The following AVPR1A variants were observed in gnomAD, a reference collection of about 807,000 sequenced individuals.
AVPR1A encodes the protein vasopressin V1a receptor.
Under a neutral mutation model 31.5 loss-of-function variants are expected in AVPR1A, and 31 were observed. That is an observed-to-expected ratio of 0.99 (90% CI 0.74 to 1.33). The LOEUF (loss-of-function observed/expected upper bound fraction) is 1.33, where lower values mean the gene tolerates loss of function less well. AVPR1A is among the 40% of genes most tolerant of loss of function. The probability of loss-of-function intolerance (pLI) is 0.00; values close to 1 mark genes in which losing one functional copy is unlikely to be tolerated. For synonymous variants in AVPR1A, 243 were observed against 233.2 expected, an observed-to-expected ratio of 1.04 and a Z score of -0.38; for missense variants, 570 against 575.2, an observed-to-expected ratio of 0.99 and a Z score of 0.09.
intron 1 of AVPR1A, among the ~76,000 whole-genome samples, chr12:63,149,077 G>A (rs1868404700): frequency 6.6e-6 from 1 of 152,172 alleles, no homozygotes; most frequent in Admixed American, 6.5e-5. Flanking sequence ...ACAATAGTAG[G>A]TGCAGAGAAC....
In AVPR1A at chr12:63,146,980, T is replaced by A. The variant is rs1444271013; in HGVS notation, c.*379A>T. 1 of 188,802 alleles carries A rather than the reference T, an allele frequency of 5.3e-6. No individual in the cohort carries two copies. The highest frequency in any genetic ancestry group is 1.1e-5 in the Non-Finnish European group (1 of 89,724). The allele number at this position is 188,802 out of a possible 1,614,324, so 11.7% of individuals were successfully genotyped here. A position where few individuals can be genotyped will look rare whatever the true frequency, so the allele number is the denominator to read the frequency against. ...TAAGACTGATGATGAGCTCTCTTTGTTCAGAAATAGTGCCGCATTTTATGT... is the reference window on the plus strand; with the variant it reads ...TAAGACTGATGATGAGCTCTCTTTGATCAGAAATAGTGCCGCATTTTATGT... On this transcript the variant is annotated 3_prime_UTR_variant, in exon 2 of 2. Transcript: ENST00000299178.
chr12:63,150,859 G>T lies in AVPR1A; in HGVS notation c.-23C>A, dbSNP rs754860655. 6.6e-7 allele frequency: 1 copy of T among 1,518,894 alleles called. No individual in the cohort carries two copies. Among genetic ancestry groups the T allele is most frequent in the African/African-American group, 1.4e-5 (1 of 72,214 alleles). 94.1% of individuals were successfully genotyped at this position (1,518,894 alleles called of 1,614,324 possible). On this transcript the variant is annotated 5_prime_UTR_variant, in exon 1 of 2. Transcript: ENST00000299178. This position sits in a 1 kb window ranked among gnomAD's most constrained non-coding sequence, Gnocchi z 4.9. ...CATGCTGTCCATGCAGCTCCTACTCGGCCCTCTTCGGAGCTCCAGCCCTCG... is the reference window on the plus strand; with the variant it reads ...CATGCTGTCCATGCAGCTCCTACTCTGCCCTCTTCGGAGCTCCAGCCCTCG...
In AVPR1A at chr12:63,150,152, C is replaced by G; in HGVS notation, c.685G>C (p.Val229Leu). Residue 229 changes from valine to leucine, a missense_variant, in exon 1 of 2, where the codon GTG becomes CTG. Coordinates refer to ENST00000299178, the MANE Select transcript of AVPR1A (RefSeq NM_000706.5). The surrounding 1 kb of genome is among the most constrained non-coding windows in gnomAD (Gnocchi z 4.9). ...CCGTAGCAGGTACCCAAGATGACCA[C>G]GGGCGCCACAAAGATGCCGCCCGTC... is the stretch of plus-strand genomic sequence containing the variant. ...WMTGGIFVAP[V>L]VILGTCYGFI... The G allele has an allele frequency of 6.2e-7, 1 of 1,614,004 alleles. No individual in the cohort carries two copies. The highest frequency in any genetic ancestry group is 8.5e-7 in the Non-Finnish European group (1 of 1,180,040).
Position 63,150,151 on chromosome 12 carries a change from A to G in AVPR1A, c.686T>C (p.Val229Ala), listed in dbSNP as rs1483615468. The change falls in exon 1 of 2, where the codon GTG becomes GCG. Residue 229 changes from valine (V) to alanine (A), a missense_variant. Coordinates refer to ENST00000299178, the MANE Select transcript of AVPR1A (RefSeq NM_000706.5). This position sits in a 1 kb window ranked among gnomAD's most constrained non-coding sequence, Gnocchi z 4.9. ...GCCGTAGCAGGTACCCAAGATGACC[A>G]CGGGCGCCACAAAGATGCCGCCCGT... is the stretch of plus-strand genomic sequence containing the variant. The part of the protein sequence containing the change: ...WMTGGIFVAP[V>A]VILGTCYGFI... The G allele has an allele frequency of 2.5e-6, 4 of 1,613,988 alleles. No individual in the cohort carries two copies. Among genetic ancestry groups the G allele is most frequent in the Admixed American group, 1.7e-5 (1 of 60,032 alleles).
Position 63,150,095 on chromosome 12 carries a change from G to A in AVPR1A, c.742C>T (p.Arg248Cys). 6.2e-7 allele frequency: 1 copy of A among 1,614,030 alleles called. No homozygotes were observed. ...CTCTGGCGCGACGCCGTCTTCCCGCGGACGTTGCACCAGATGTTGTAGCAG... is the reference window on the plus strand; with the variant it reads ...CTCTGGCGCGACGCCGTCTTCCCGCAGACGTTGCACCAGATGTTGTAGCAG... ...FICYNIWCNV[R>C]GKTASRQSKG... The change falls in exon 1 of 2, where the codon CGC becomes TGC. Residue 248 changes from arginine to cysteine, a missense_variant. Arg to Cys is a radical substitution (Grantham distance 180, BLOSUM62 -3). Transcript: ENST00000299178. This position sits in a 1 kb window ranked among gnomAD's most constrained non-coding sequence, Gnocchi z 4.9.
chr12:63,145,555 G>A lies in AVPR1A; in HGVS notation c.*1804C>T. On this transcript the variant is annotated 3_prime_UTR_variant, in exon 2 of 2. Transcript: ENST00000299178. Reference sequence around the variant, plus strand: ...CAGGAGAATCGCTTGAACCCAGGAAGCGGAGGTTGCAGTGAGCCGAGATCA... The same window carrying A: ...CAGGAGAATCGCTTGAACCCAGGAAACGGAGGTTGCAGTGAGCCGAGATCA... The A allele has an allele frequency of 3.5e-6, 1 of 289,568 alleles. No homozygotes were observed. Among genetic ancestry groups the A allele is most frequent in the Non-Finnish European group, 6.8e-6 (1 of 147,626 alleles). The allele number at this position is 289,568 out of a possible 1,614,324, so 17.9% of individuals were successfully genotyped here.
rs1476981258 is a variant in AVPR1A, at chr12:63,147,352, G to C, written c.*7C>G. On this transcript the variant is annotated 3_prime_UTR_variant, in exon 2 of 2. Coordinates refer to ENST00000299178, the MANE Select transcript of AVPR1A (RefSeq NM_000706.5). ...ATCACAAGAATCAAGTTGCATGAAT[G>C]CAAGGCTCAAGTTGAAACAGGAATG... 1 of 1,609,226 alleles carries C rather than the reference G, an allele frequency of 6.2e-7. No homozygotes were observed. The highest frequency in any genetic ancestry group is 1.7e-5 in the Admixed American group (1 of 59,860).
rs767352672 is a variant in AVPR1A at position 63,150,093 on chromosome 12, G to A, written c.744C>T (p.Arg248=). 4 of 1,614,016 alleles carry A rather than the reference G, an allele frequency of 2.5e-6. No homozygotes were observed. Among genetic ancestry groups the A allele is most frequent in the Admixed American group, 1.7e-5 (1 of 60,028 alleles). ...TGCTCTGGCGCGACGCCGTCTTCCC[G>A]CGGACGTTGCACCAGATGTTGTAGC... ...FICYNIWCNV[R]GKTASRQSKG... The change falls in exon 1 of 2, where the codon CGC becomes CGT. Residue 248 remains arginine (R), a synonymous_variant. Transcript: ENST00000299178. This position sits in a 1 kb window ranked among gnomAD's most constrained non-coding sequence, Gnocchi z 4.9.
At position 63,150,429 on chromosome 12, in the gene AVPR1A, A is replaced by C. The variant is rs1042615; in HGVS notation, c.408T>G (p.Phe136Leu). The C allele has an allele frequency of 1.2e-6, 2 of 1,612,886 alleles. No homozygotes were observed. The highest frequency in any genetic ancestry group is 1.7e-6 in the Non-Finnish European group (2 of 1,179,548). The change falls in exon 1 of 2, where the codon TTT becomes TTG. Residue 136 changes from phenylalanine to leucine, a missense_variant. Physicochemically the swap from Phe to Leu is conservative, Grantham distance 22. Transcript: ENST00000299178. The surrounding 1 kb of genome is among the most constrained non-coding windows in gnomAD (Gnocchi z 4.9). ...TGACTACCAGCATGTAGGCCGACGC[A>C]AACATGCCGAACACCTGCAGGTGCT... The part of the protein sequence containing the change: ...VVKHLQVFGM[F>L]ASAYMLVVMT...
At chr12:63,147,709 T>C (rs1868379750) in intron 1 of AVPR1A, 64 bp from the exon 2 acceptor site, 1 of 1,504,354 alleles carries the variant, frequency 6.6e-7, no homozygotes, top group South Asian at 1.2e-5. Flanking sequence ...CTCATTTTTC[T>C]ATTAACTAAT....
chr12:63,148,966 T>C (rs1191173832), intron 1 of AVPR1A, among the ~76,000 whole-genome samples: 2 of 152,210 alleles, frequency 1.3e-5, no homozygotes, highest in Non-Finnish European at 2.9e-5. Flanking sequence ...GTTTTTGTCT[T>C]TACTAGAAGA....
chr12:63,149,893 A>C lies in AVPR1A; in HGVS notation c.944T>G (p.Val315Gly), dbSNP rs1868430216. 3 of 1,613,552 alleles carry C rather than the reference A, an allele frequency of 1.9e-6. No homozygotes were observed. In the African/African-American group the frequency reaches 4.0e-5, roughly 22 times the overall value. Residue 315 changes from valine (V) to glycine (G), a missense_variant, in exon 1 of 2, where the codon GTC (valine) becomes GGC (glycine). Val to Gly is a moderately radical substitution (Grantham distance 109, BLOSUM62 -3). Coordinates refer to ENST00000299178, the MANE Select transcript of AVPR1A (RefSeq NM_000706.5). ...APFFIIQMWSVWDPMSVWTES... is the reference protein window; with the variant it reads ...APFFIIQMWSGWDPMSVWTES... ...GGTCCAGACGGACATGGGATCCCAG[A>C]CAGACCACATCTGGATGATGAAGAA...
In AVPR1A at chr12:63,147,076, G is replaced by C; in HGVS notation, c.*283C>G. 1 of 352,246 alleles carries C rather than the reference G, an allele frequency of 2.8e-6. No individual in the cohort carries two copies. Among genetic ancestry groups the C allele is most frequent in the East Asian group, 4.7e-5 (1 of 21,236 alleles). The allele number at this position is 352,246 out of a possible 1,614,324, so 21.8% of individuals were successfully genotyped here. ...AAAGAAACTAACAACAAAATATAAA[G>C]CTAGGGTGGTTATGATTTTTCCTTT... On this transcript the variant is annotated 3_prime_UTR_variant, in exon 2 of 2. Coordinates refer to ENST00000299178, the MANE Select transcript of AVPR1A (RefSeq NM_000706.5).
At chr12:63,149,475 T>G in intron 1 of AVPR1A, among the ~76,000 whole-genome samples, 1 of 152,152 alleles carries the variant, frequency 6.6e-6, no homozygotes, top group East Asian at 1.9e-4. Context: ...GAAATGGTGT[T>G]AATACAGTAG....
In AVPR1A at chr12:63,149,769, T is replaced by TC. The variant is rs1565878651; in HGVS notation, c.970+97_970+98insG. 39 of 1,243,506 alleles carry TC rather than the reference T, an allele frequency of 3.1e-5. No homozygotes were observed. In the African/African-American group the frequency reaches 7.3e-4, roughly 23 times the overall value. 77.0% of individuals were successfully genotyped at this position (1,243,506 alleles called of 1,614,324 possible). A position where few individuals can be genotyped will look rare whatever the true frequency, so the allele number is the denominator to read the frequency against. ...GAAGAAAATTGCTAGATTCTCATTT[T>TC]TTTCTCTCTCTCTCTCTCTCTCTCT... On this transcript the variant is annotated intron_variant, in intron 1 of 1. Coordinates refer to ENST00000299178, the MANE Select transcript of AVPR1A (RefSeq NM_000706.5).
rs906801225 is a variant in AVPR1A at position 63,151,162 on chromosome 12, A to AC, written c.-327dup. ...TTTATGCGGTGCTTGTTTCCTTGGG[A>AC]CGCGCTCCCTCCCGCCCTATTGCCG... On this transcript the variant is annotated 5_prime_UTR_variant, in exon 1 of 2. Coordinates refer to ENST00000299178, the MANE Select transcript of AVPR1A (RefSeq NM_000706.5). 1.1e-5 allele frequency: 3 copies of AC among 274,008 alleles called. No individual in the cohort carries two copies. The Admixed American group carries it at 1.5e-4, about 13-fold the overall frequency. 17.0% of individuals were successfully genotyped at this position (274,008 alleles called of 1,614,324 possible).
rs1007916577 is a variant in AVPR1A, at chr12:63,149,894, C to G, written c.943G>C (p.Val315Leu). Residue 315 changes from valine (V) to leucine (L), a missense_variant, in exon 1 of 2, where the codon GTC becomes CTC. By Grantham distance (32) the Val-to-Leu change is conservative. Coordinates refer to ENST00000299178, the MANE Select transcript of AVPR1A (RefSeq NM_000706.5). ...GTCCAGACGGACATGGGATCCCAGA[C>G]AGACCACATCTGGATGATGAAGAAA... The part of the protein sequence containing the change: ...APFFIIQMWS[V>L]WDPMSVWTES... 6.2e-7 allele frequency: 1 copy of G among 1,613,694 alleles called. No individual in the cohort carries two copies. The highest frequency in any genetic ancestry group is 1.1e-5 in the South Asian group (1 of 91,056).
At chr12:63,149,198 C>T (rs1868406943) in intron 1 of AVPR1A, among the ~76,000 whole-genome samples, 1 of 152,040 alleles carries the variant, frequency 6.6e-6, no homozygotes, top group South Asian at 2.1e-4. Flanking sequence ...ATCAATAATT[C>T]TGCTTTGAAA....
chr12:63,150,672 G>T lies in AVPR1A; in HGVS notation c.165C>A (p.Ile55=). The change falls in exon 1 of 2, where the codon ATC becomes ATA. Residue 55 remains isoleucine (I), a synonymous_variant. Coordinates refer to ENST00000299178, the MANE Select transcript of AVPR1A (RefSeq NM_000706.5). This position sits in a 1 kb window ranked among gnomAD's most constrained non-coding sequence, Gnocchi z 4.9. ...VRNEELAKLE[I]AVLAVTFAVA... ...CCGCGAAAGTCACCGCCAGCACGGC[G>T]ATCTCCAGTTTGGCCAGCTCCTCGT... is the stretch of plus-strand genomic sequence containing the variant. 1 of 1,608,690 alleles carries T rather than the reference G, an allele frequency of 6.2e-7. No individual in the cohort carries two copies.
Sources: gnomAD v4.1 joint callset for allele counts (sites outside exome capture counted in the v4.1 genomes callset) on GRCh38, gnomAD v4.1.1 for gene constraint, Gnocchi (gnomAD v3.1) non-coding constraint, MANE v1.5 for transcripts, NCBI Gene and HGNC (gene_info 2026-07-23, HGNC 2026-07-21) for gene names.